TRAPPC9: variants seen among roughly 807,000 people sequenced by gnomAD.
The protein encoded by TRAPPC9 is IKK2 binding protein.
A neutral mutation model predicts 124.0 loss-of-function variants in TRAPPC9; 83 were observed. The observed-to-expected ratio is 0.67, with a 90% confidence interval of 0.56 to 0.80. The LOEUF is 0.80. Ranked by LOEUF, TRAPPC9 falls within the 30% of genes least tolerant of loss-of-function variation. The probability of loss-of-function intolerance (pLI) is 0.00; values close to 1 mark genes in which losing one functional copy is unlikely to be tolerated. For synonymous variants in TRAPPC9, 638 were observed against 617.5 expected (o/e 1.03, Z -0.49); for missense variants, 1,302 against 1,508.3 (o/e 0.86, Z 2.27).
intron 4 of TRAPPC9, among the ~76,000 whole-genome samples, chr8:140,429,622 AT>A (rs1002499215): frequency 5.3e-5 from 8 of 152,098 alleles, no homozygotes; most frequent in Admixed American, 2.0e-4. Context: ...CCTGGCCAAC[AT>A]GGTGAACCCA....
chr8:140,060,804 G>A (rs1379058800), intron 17 of TRAPPC9, among the ~76,000 whole-genome samples: 1 of 152,246 alleles, frequency 6.6e-6, no homozygotes, highest in African/African-American at 2.4e-5. Context: ...GTGGTTTGCA[G>A]CAGGAGGGCA....
chr8:139,901,534 T>C (rs1831021658), intron 20 of TRAPPC9, among the ~76,000 whole-genome samples: 1 of 152,142 alleles, frequency 6.6e-6, no homozygotes, highest in Non-Finnish European at 1.5e-5. Flanking sequence ...GGGAGAGGTC[T>C]GCAACTGGCT....
intron 17 of TRAPPC9, among the ~76,000 whole-genome samples, chr8:140,074,116 C>T (rs563087170): frequency 2.0e-5 from 3 of 152,322 alleles, no homozygotes; most frequent in East Asian, 3.9e-4. Flanking sequence ...GGACAAAATT[C>T]CAAAGGCATC....
At chr8:140,167,277 A>G (rs2061857119) in intron 17 of TRAPPC9, among the ~76,000 whole-genome samples, 1 of 152,224 alleles carries the variant, frequency 6.6e-6, no homozygotes, top group African/African-American at 2.4e-5. Flanking sequence ...GGACACTGAC[A>G]ATTAGGTAAA....
At chr8:139,745,539 G>C (rs1179240836) in intron 21 of TRAPPC9, among the ~76,000 whole-genome samples, 1 of 152,242 alleles carries the variant, frequency 6.6e-6, no homozygotes, top group Non-Finnish European at 1.5e-5. Flanking sequence ...TAGGACAGCG[G>C]GTGAGTCGGG....
At chr8:139,755,782 C>G (rs1194111878) in intron 21 of TRAPPC9, among the ~76,000 whole-genome samples, 1 of 133,336 alleles carries the variant, frequency 7.5e-6, no homozygotes, top group Non-Finnish European at 1.6e-5. Context: ...GGGATGAGGA[C>G]AGCAGGTCGC....
chr8:140,008,689 CA>C (rs1563685410), intron 18 of TRAPPC9: 1 of 152,270 alleles, frequency 6.6e-6, no homozygotes. Context: ...GACCACCTGC[CA>C]CCTCCTGGCC....
At chr8:140,377,651 C>T (rs2068482444) in intron 7 of TRAPPC9, among the ~76,000 whole-genome samples, 1 of 152,152 alleles carries the variant, frequency 6.6e-6, no homozygotes. Context: ...CCAATGACAA[C>T]TCATGCAGCC....
chr8:140,079,949 T>A (rs140840620), intron 17 of TRAPPC9, among the ~76,000 whole-genome samples: 82 of 151,828 alleles, frequency 5.4e-4, no homozygotes, highest in African/African-American at 1.7e-3. Context: ...ATAATAATGA[T>A]AATAATAAAA....
rs1290667554 is a variant in TRAPPC9, at chr8:140,087,515, A to G, written c.2557-63436T>C. 6.6e-6 allele frequency among the ~76,000 whole-genome samples: 1 copy of G among 152,090 alleles called. No homozygotes were observed. Among genetic ancestry groups the G allele is most frequent in the East Asian group, 1.9e-4 (1 of 5,178 alleles). ...AAGAATATGGTTGTGTTTTCCCCACATTCTAATCCCCACCGAGCTTCCTCC... is the reference window on the plus strand; with the variant it reads ...AAGAATATGGTTGTGTTTTCCCCACGTTCTAATCCCCACCGAGCTTCCTCC... On this transcript the variant is annotated intron_variant, in intron 17 of 22. Transcript: ENST00000438773. The surrounding 1 kb of genome is among the most constrained non-coding windows in gnomAD (Gnocchi z 4.6).
At chr8:140,347,731 G>GT (rs1338660795) in intron 9 of TRAPPC9, among the ~76,000 whole-genome samples, 1 of 152,206 alleles carries the variant, frequency 6.6e-6, no homozygotes, top group Non-Finnish European at 1.5e-5. Context: ...TCCTACTGTA[G>GT]TAGTCTTAAA....
chr8:139,971,051 G>A (rs994595033), intron 19 of TRAPPC9, among the ~76,000 whole-genome samples: 14 of 151,172 alleles, frequency 9.3e-5, no homozygotes, highest in East Asian at 5.9e-4. Flanking sequence ...CACACATCCC[G>A]GAATCCACCT....
chr8:139,937,964 T>C (rs1019372955), intron 19 of TRAPPC9, among the ~76,000 whole-genome samples: 22 of 152,094 alleles, frequency 1.4e-4, no homozygotes, highest in African/African-American at 4.6e-4. Flanking sequence ...CCCTGAGTCT[T>C]CGGGGATTTG....
At chr8:140,016,899 A>G in intron 18 of TRAPPC9, among the ~76,000 whole-genome samples, 1 of 152,078 alleles carries the variant, frequency 6.6e-6, no homozygotes, top group African/African-American at 2.4e-5. Flanking sequence ...ACCAGTTTAT[A>G]CTCCCAGAAG....
intron 2 of TRAPPC9, among the ~76,000 whole-genome samples, chr8:140,448,231 G>T (rs2071337958): frequency 6.6e-6 from 1 of 151,758 alleles, no homozygotes; most frequent in African/African-American, 2.4e-5. Flanking sequence ...GGATGTATTT[G>T]ATTTGAGTTC....
chr8:140,314,624 T>C (rs62529377), intron 9 of TRAPPC9, among the ~76,000 whole-genome samples: 13,689 of 152,256 alleles, frequency 0.09, 691 homozygotes, highest in African/African-American at 0.13. Context: ...CAGACTCTTC[T>C]AACCTCTATT....
chr8:140,290,416 C>A lies in TRAPPC9; in HGVS notation c.1854+577G>T, dbSNP rs1317225117. On this transcript the variant is annotated intron_variant, in intron 12 of 22. Coordinates refer to ENST00000438773, the MANE Select transcript of TRAPPC9 (RefSeq NM_001160372.4). ...CTGAAAACACAGAATCAGCTTAGAGCGCCAGTACTAATCTCCTTCCCCCTG... is the reference window on the plus strand; with the variant it reads ...CTGAAAACACAGAATCAGCTTAGAGAGCCAGTACTAATCTCCTTCCCCCTG... Among the ~76,000 whole-genome samples, 8 of 152,292 alleles carry A rather than the reference C, an allele frequency of 5.3e-5. No individual in the cohort carries two copies. The South Asian group carries it at 1.2e-3, about 24-fold the overall frequency.
At chr8:140,348,944 A>G (rs2067434963) in intron 9 of TRAPPC9, among the ~76,000 whole-genome samples, 2 of 152,060 alleles carry the variant, frequency 1.3e-5, no homozygotes, top group Non-Finnish European at 2.9e-5. Flanking sequence ...GGAAGAAAGC[A>G]CCGTGTAGAG....
rs114506121 is a variant in TRAPPC9, at chr8:139,840,775, C to T, written c.3055+45104G>A. Among the ~76,000 whole-genome samples, 875 of 152,300 alleles carry T rather than the reference C, an allele frequency of 5.7e-3. 8 individuals are homozygous for T. The highest frequency in any genetic ancestry group is 0.019 in the African/African-American group (789 of 41,554). ...ATCAACAGGCACATCCAGCCTGCCC[C>T]GCCCACAGCCCAGGGTCGCTCACCA... is the stretch of plus-strand genomic sequence containing the variant. On this transcript the variant is annotated intron_variant, in intron 21 of 22. Coordinates refer to ENST00000438773, the MANE Select transcript of TRAPPC9 (RefSeq NM_001160372.4).
Sources: allele counts gnomAD v4.1 joint callset (sites outside exome capture counted in the v4.1 genomes callset), GRCh38; gene constraint gnomAD v4.1.1; non-coding constraint Gnocchi (gnomAD v3.1); transcripts MANE v1.5; gene names NCBI Gene and HGNC (gene_info 2026-07-23, HGNC 2026-07-21).